The following CEP57 variants were observed in gnomAD, a reference collection of about 807,000 sequenced individuals.
CEP57 encodes centrosomal protein of 57 kDa.
In CEP57, 40 loss-of-function variants were observed where a neutral mutation model predicts 68.0. The ratio of observed to expected loss-of-function variants is 0.59; its 90% CI spans 0.46 to 0.77. CEP57 has a LOEUF of 0.77. Among genes scored for constraint, CEP57 ranks in the 30% least tolerant of loss-of-function variants. The pLI, the probability that CEP57 is intolerant of heterozygous loss-of-function variation, is 0.00. For synonymous variants in CEP57, 219 were observed against 198.7 expected, an observed-to-expected ratio of 1.10 and a Z score of -0.86; for missense variants, 606 against 580.7, an observed-to-expected ratio of 1.04 and a Z score of -0.45.
chr11:95,810,240 TATC>T (rs1280606951), intron 2 of CEP57, among the ~76,000 whole-genome samples: 3 of 152,142 alleles, frequency 2.0e-5, no homozygotes, highest in Admixed American at 1.3e-4. Context: ...CCACAGCCAA[TATC>T]ATACTGAATG....
intron 1 of CEP57, among the ~76,000 whole-genome samples, chr11:95,798,725 T>TA (rs1177632963): frequency 1.3e-5 from 2 of 152,224 alleles, no homozygotes; most frequent in African/African-American, 4.8e-5. Context: ...TGATGGGCCT[T>TA]AATGTTTTCT....
At chr11:95,802,040 T>A (rs566448364) in intron 2 of CEP57, among the ~76,000 whole-genome samples, 5 of 151,496 alleles carry the variant, frequency 3.3e-5, no homozygotes, top group Non-Finnish European at 7.4e-5. Context: ...AGAAAAAAAA[T>A]AAAGGCTGTG....
chr11:95,817,095 C>T (rs991398855), intron 4 of CEP57, among the ~76,000 whole-genome samples: 7 of 151,784 alleles, frequency 4.6e-5, no homozygotes, highest in African/African-American at 9.7e-5. Flanking sequence ...GGGCCAGGTA[C>T]GGTGGCTCAC....
chr11:95,819,587 T>C (rs1193965988), intron 6 of CEP57, among the ~76,000 whole-genome samples: 4 of 152,210 alleles, frequency 2.6e-5, no homozygotes, highest in Non-Finnish European at 5.9e-5. Context: ...GTTATGAGCG[T>C]ATTTGCTCAA....
At chr11:95,803,276 C>A (rs1861656875) in intron 2 of CEP57, among the ~76,000 whole-genome samples, 1 of 151,984 alleles carries the variant, frequency 6.6e-6, no homozygotes, top group Non-Finnish European at 1.5e-5. Context: ...TTTGAGATGC[C>A]TGTGAATTAG....
At chr11:95,829,041 CAA>C (rs397729482) in intron 9 of CEP57, 144 bp from the exon 10 acceptor site, 4,991 of 608,814 alleles carry the variant, frequency 8.2e-3, no homozygotes, top group Non-Finnish European at 8.6e-3. Context: ...GACTCCGTCT[CAA>C]AAAAAAAAAA....
At chr11:95,807,350 G>C (rs953242977) in intron 2 of CEP57, among the ~76,000 whole-genome samples, 3 of 152,180 alleles carry the variant, frequency 2.0e-5, no homozygotes, top group Admixed American at 1.3e-4. Flanking sequence ...ACAGAACAAA[G>C]CTTGATGGAG....
chr11:95,794,304 GAA>G (rs770628216), intron 1 of CEP57: 13 of 455,892 alleles, frequency 2.9e-5, no homozygotes, highest in South Asian at 2.0e-4. Context: ...TTTCAAGAAA[GAA>G]GAGAGAGAAA....
chr11:95,821,308 G>GA (rs1380125040), intron 6 of CEP57, among the ~76,000 whole-genome samples: 1 of 152,164 alleles, frequency 6.6e-6, no homozygotes, highest in Non-Finnish European at 1.5e-5. Context: ...CTACCATGAA[G>GA]ATAGGTTATT....
intron 1 of CEP57, among the ~76,000 whole-genome samples, chr11:95,792,520 A>G (rs546362732): frequency 1.3e-5 from 2 of 152,352 alleles, no homozygotes; most frequent in South Asian, 4.1e-4. Context: ...GAGCTGCACT[A>G]TGCCAAGGAC....
chr11:95,791,770 AGAG>A (rs1861091560), intron 1 of CEP57, among the ~76,000 whole-genome samples: 1 of 152,196 alleles, frequency 6.6e-6, no homozygotes, highest in African/African-American at 2.4e-5. Context: ...TCCCAAGAGT[AGAG>A]AAAGGAGAAA....
intron 9 of CEP57, among the ~76,000 whole-genome samples, chr11:95,828,781 G>A (rs1193855998): frequency 6.6e-6 from 1 of 151,958 alleles, no homozygotes; most frequent in Non-Finnish European, 1.5e-5. Context: ...TCTTGATCTA[G>A]GCTAGGCATG....
intron 8 of CEP57, among the ~76,000 whole-genome samples, chr11:95,824,403 T>C (rs1015595605): frequency 7.3e-6 from 1 of 136,900 alleles, no homozygotes; most frequent in Non-Finnish European, 1.7e-5. Context: ...GGCATACTTG[T>C]AGACTCTAAT....
chr11:95,820,197 C>G (rs1167782665), intron 6 of CEP57, among the ~76,000 whole-genome samples: 1 of 151,946 alleles, frequency 6.6e-6, no homozygotes, highest in African/African-American at 2.4e-5. Context: ...ACATAGGGAC[C>G]AAATTAGATG....
chr11:95,790,820 TGTCA>T (rs1465913738), intron 1 of CEP57, 77 bp downstream of exon 1: 1 of 1,539,316 alleles, frequency 6.5e-7, no homozygotes, highest in East Asian at 2.3e-5. Flanking sequence ...TTCAGGGCGC[TGTCA>T]GTCCAGCTTC....
At position 95,799,226 on chromosome 11, in the gene CEP57, T is replaced by A; in HGVS notation, c.46-6T>A. The A allele has an allele frequency of 6.2e-7, 1 of 1,614,030 alleles. No individual in the cohort carries two copies. ...TTGAAAGGTAATTTGTGTCTTTATT[T>A]TTTAGAACAGCTTTGCTGAGCCATC... On this transcript the variant is annotated splice_polypyrimidine_tract_variant and splice_region_variant and intron_variant, in intron 1 of 10. Coordinates refer to ENST00000325542, the MANE Select transcript of CEP57 (RefSeq NM_014679.5).
intron 8 of CEP57, 124 bp downstream of exon 8, chr11:95,822,700 A>ATGC: frequency 2.8e-5 from 24 of 856,050 alleles, no homozygotes; most frequent in Non-Finnish European, 4.1e-5. Context: ...TGTGTGGATC[A>ATGC]CAGTGATGTG....
intron 2 of CEP57, among the ~76,000 whole-genome samples, chr11:95,804,651 A>G (rs1474696224): frequency 6.6e-6 from 1 of 152,234 alleles, no homozygotes; most frequent in Non-Finnish European, 1.5e-5. Flanking sequence ...TTATGTGCTT[A>G]CTGAGGTGCA....
Position 95,819,141 on chromosome 11 carries a change from A to AT in CEP57, c.699+238dup, listed in dbSNP as rs540998751. ...AGAGTTTCAATCAGCATTTTAAAAA[A>AT]TAACAGACTAAAAAACATCAGAGAC... On this transcript the variant is annotated intron_variant, in intron 6 of 10. Coordinates refer to ENST00000325542, the MANE Select transcript of CEP57 (RefSeq NM_014679.5). Among the ~76,000 whole-genome samples, 8 of 152,276 alleles carry AT rather than the reference A, an allele frequency of 5.3e-5. No homozygotes were observed. The East Asian group carries it at 1.4e-3, about 26-fold the overall frequency.
Sources: allele counts gnomAD v4.1 joint callset (sites outside exome capture counted in the v4.1 genomes callset), GRCh38; gene constraint gnomAD v4.1.1; transcripts MANE v1.5; gene names NCBI Gene and HGNC (gene_info 2026-07-23, HGNC 2026-07-21).